RHPN2: variants seen among roughly 807,000 people sequenced by gnomAD.
RHPN2 encodes the protein rhophilin Rho GTPase binding protein 2.
In RHPN2, 40 loss-of-function variants were observed where a neutral mutation model predicts 79.0. The observed-to-expected ratio is 0.51, with a 90% CI of 0.39 to 0.66. The LOEUF (loss-of-function observed/expected upper bound fraction) is 0.66, where lower values mean the gene tolerates loss of function less well. RHPN2 is among the 30% of genes least tolerant of loss of function. The pLI, the probability that RHPN2 is intolerant of heterozygous loss-of-function variation, is 0.00. For synonymous variants in RHPN2, 285 were observed against 363.5 expected, an observed-to-expected ratio of 0.78 and a Z score of 2.46; for missense variants, 686 against 883.5, an observed-to-expected ratio of 0.78 and a Z score of 2.83.
intron 10 of RHPN2, among the ~76,000 whole-genome samples, chr19:32,998,060 T>C (rs1193058117): frequency 6.6e-6 from 1 of 152,120 alleles, no homozygotes; most frequent in African/African-American, 2.4e-5. Flanking sequence ...AGCAGGGGAC[T>C]GATGTGATCT....
At chr19:33,044,886 C>T (rs891250714) in intron 1 of RHPN2, among the ~76,000 whole-genome samples, 4 of 152,146 alleles carry the variant, frequency 2.6e-5, no homozygotes, top group East Asian at 3.9e-4. Flanking sequence ...CAAAGTGAGA[C>T]GCTGTCTCAA....
Position 32,994,050 on chromosome 19 carries a change from T to G in RHPN2, c.1424A>C (p.Lys475Thr). 6.2e-7 allele frequency: 1 copy of G among 1,607,314 alleles called. No homozygotes were observed. Among genetic ancestry groups the G allele is most frequent in the Non-Finnish European group, 8.5e-7 (1 of 1,173,948 alleles). ...NLIDAPSVVAKTEQEVDIILP... is the reference protein window; with the variant it reads ...NLIDAPSVVATTEQEVDIILP... Reference sequence around the variant, plus strand: ...TATAATGTCAACCTCTTGCTCAGTTTTAGCTAGAATAGAGGATTAGAAATG... The same window carrying G: ...TATAATGTCAACCTCTTGCTCAGTTGTAGCTAGAATAGAGGATTAGAAATG... The change falls in exon 12 of 15, where the codon AAA becomes ACA. Residue 475 changes from lysine (K) to threonine (T), a missense_variant. Transcript: ENST00000254260.
rs556779775 is a variant in RHPN2 at position 33,048,321 on chromosome 19, G to T, written c.70-3957C>A. Among the ~76,000 whole-genome samples, 636 of 151,894 alleles carry T rather than the reference G, an allele frequency of 4.2e-3. 4 individuals carry two copies. The highest frequency in any genetic ancestry group is 0.015 in the African/African-American group (612 of 41,468). Reference sequence around the variant, plus strand: ...TCCACCCGCCTCGGCCTCCCAAAGTGCTGGGATTACAGGCATGAGCCATGG... The same window carrying T: ...TCCACCCGCCTCGGCCTCCCAAAGTTCTGGGATTACAGGCATGAGCCATGG... On this transcript the variant is annotated intron_variant, in intron 1 of 14. Coordinates refer to ENST00000254260, the MANE Select transcript of RHPN2 (RefSeq NM_033103.5).
At chr19:33,063,808 A>ACCCGCCGCCCGCCGCCGGCCG (rs1555715764) in intron 1 of RHPN2, among the ~76,000 whole-genome samples, 1 of 131,162 alleles carries the variant, frequency 7.6e-6, no homozygotes, top group African/African-American at 3.0e-5. Flanking sequence ...GGCACCCGCC[A>ACCCGCCGCCCGCCGCCGGCCG]CCCGCCGCCC....
rs762922941 is a variant in RHPN2, at chr19:32,980,024, A to C, written c.2033T>G (p.Leu678Arg). The change falls in exon 15 of 15, where the codon CTT (leucine) becomes CGT (arginine). Residue 678 changes from leucine (L) to arginine (R), a missense_variant. Coordinates refer to ENST00000254260, the MANE Select transcript of RHPN2 (RefSeq NM_033103.5). ...VKKKLPSPFS[L>R]LNSDSSWY The stretch of plus-strand genomic sequence containing the variant: ...GTACCAAGAACTGTCTGAGTTGAGA[A>C]GGCTGAAAGGGGAGGGCAGCTTCTT... 2.5e-6 allele frequency: 4 copies of C among 1,613,948 alleles called. No homozygotes were observed. In the South Asian group the frequency reaches 4.4e-5, roughly 18 times the overall value.
At chr19:33,039,109 G>A (rs1424580826) in intron 2 of RHPN2, among the ~76,000 whole-genome samples, 1 of 152,072 alleles carries the variant, frequency 6.6e-6, no homozygotes, top group Non-Finnish European at 1.5e-5. Flanking sequence ...CAGCTTCAGC[G>A]ACCTTATTAG....
intron 1 of RHPN2, among the ~76,000 whole-genome samples, chr19:33,062,705 T>C (rs577611694): frequency 6.6e-6 from 1 of 151,020 alleles, no homozygotes; most frequent in Admixed American, 6.6e-5. Flanking sequence ...GAGGCAGAGG[T>C]TGCAGTGAGC....
At chr19:33,045,398 A>C (rs11671912) in intron 1 of RHPN2, among the ~76,000 whole-genome samples, 1 of 151,896 alleles carries the variant, frequency 6.6e-6, no homozygotes, top group Non-Finnish European at 1.5e-5. Context: ...TAATCCATAT[A>C]CCATACGTTT....
chr19:33,013,383 T>C (rs2145239614), intron 4 of RHPN2, among the ~76,000 whole-genome samples: 1 of 151,220 alleles, frequency 6.6e-6, no homozygotes, highest in African/African-American at 2.4e-5. Flanking sequence ...TTAGTAGAGA[T>C]GGGGTTTCAC....
chr19:33,047,686 G>A (rs762447494), intron 1 of RHPN2, among the ~76,000 whole-genome samples: 1 of 152,146 alleles, frequency 6.6e-6, no homozygotes, highest in Non-Finnish European at 1.5e-5. Context: ...CAGGGAGGGA[G>A]ATGTGAGTTA....
At chr19:33,026,699 C>A in intron 2 of RHPN2, 67 bp from the exon 3 acceptor site, 2 of 1,556,970 alleles carry the variant, frequency 1.3e-6, no homozygotes, top group East Asian at 4.6e-5. Context: ...TGAGCAGACC[C>A]AATCCCCAGT....
At chr19:33,032,016 CTTTTTTTTT>C (rs34807523) in intron 2 of RHPN2, among the ~76,000 whole-genome samples, 11,646 of 91,454 alleles carry the variant, frequency 0.13, 700 homozygotes, top group South Asian at 0.34. Flanking sequence ...CCGGGCCGGT[CTTTTTTTTT>C]TTTTTTTTTT....
At chr19:33,064,755 T>TGGGGGGGCCCC in intron 1 of RHPN2, 29 bp downstream of exon 1, 1 of 1,427,946 alleles carries the variant, frequency 7.0e-7, no homozygotes, top group Non-Finnish European at 9.4e-7. Context: ...AGCCCGCAGG[T>TGGGGGGGCCCC]CCCCGCCCGC....
intron 7 of RHPN2, among the ~76,000 whole-genome samples, chr19:33,003,216 G>A (rs1971763926): frequency 6.6e-6 from 1 of 151,680 alleles, no homozygotes; most frequent in African/African-American, 2.4e-5. Context: ...AAATTAGCCG[G>A]GTGTGATGGT....
At chr19:33,000,124 A>G (rs1339668898) in intron 9 of RHPN2, among the ~76,000 whole-genome samples, 2 of 152,006 alleles carry the variant, frequency 1.3e-5, no homozygotes, top group Non-Finnish European at 2.9e-5. Context: ...CTCCTGCCTT[A>G]GCCTCCCAAA....
intron 6 of RHPN2, 67 bp from the exon 7 acceptor site, chr19:33,008,247 A>T: frequency 6.8e-7 from 1 of 1,461,526 alleles, no homozygotes; most frequent in Non-Finnish European, 9.4e-7. Flanking sequence ...AGTGGAAAAA[A>T]TTCTTTTTTT....
In RHPN2 at chr19:32,992,210, C is replaced by G. The variant is rs1018469793; in HGVS notation, c.1498-241G>C. 1.2e-5 allele frequency: 6 copies of G among 513,246 alleles called. No individual in the cohort carries two copies. In the Admixed American group the frequency reaches 1.6e-4, roughly 14 times the overall value. 31.8% of individuals were successfully genotyped at this position (513,246 alleles called of 1,614,324 possible). ...TAGGCATTGTATTAATTATCTTTTT[C>G]TCTTTTTTTTTGAGACATTGTCTCA... On this transcript the variant is annotated intron_variant, in intron 12 of 14. Coordinates refer to ENST00000254260, the MANE Select transcript of RHPN2 (RefSeq NM_033103.5).
At chr19:33,007,983 C>CTCCG in intron 7 of RHPN2, 31 bp downstream of exon 7, 1 of 1,611,428 alleles carries the variant, frequency 6.2e-7, no homozygotes, top group South Asian at 1.1e-5. Flanking sequence ...GGGGCCAAGG[C>CTCCG]TCCGTCTGGT....
chr19:33,059,199 CA>C (rs1211936197), intron 1 of RHPN2, among the ~76,000 whole-genome samples: 1 of 152,068 alleles, frequency 6.6e-6, no homozygotes, highest in Admixed American at 6.6e-5. Context: ...TGGCAATCTT[CA>C]CCCCCCGCCT....
Sources: allele counts gnomAD v4.1 joint callset (sites outside exome capture counted in the v4.1 genomes callset), GRCh38; gene constraint gnomAD v4.1.1; transcripts MANE v1.5; gene names NCBI Gene and HGNC (gene_info 2026-07-23, HGNC 2026-07-21).